Variants in GRIA4 observed in about 807,000 individuals in gnomAD.
GRIA4 encodes glutamate receptor 4.
Under a neutral mutation model 104.0 loss-of-function variants are expected in GRIA4, and 34 were observed. The ratio of observed to expected loss-of-function variants is 0.33; its 90% CI spans 0.25 to 0.44. GRIA4 has a LOEUF of 0.44. Ranked by LOEUF, GRIA4 falls within the 20% of genes least tolerant of loss-of-function variation. GRIA4 has a pLI of 1.00. For synonymous variants in GRIA4, 386 were observed against 381.9 expected, an observed-to-expected ratio of 1.01 and a Z score of -0.13; for missense variants, 750 against 1,096.5, an observed-to-expected ratio of 0.68 and a Z score of 4.46.
intron 4 of GRIA4, among the ~76,000 whole-genome samples, chr11:105,816,135 G>A (rs1354817426): frequency 3.3e-5 from 5 of 152,122 alleles, no homozygotes; most frequent in Non-Finnish European, 7.3e-5. Context: ...TATCGATCTT[G>A]GGCCAGGCAC....
At chr11:105,705,608 CGAGA>C (rs149688597) in intron 3 of GRIA4, among the ~76,000 whole-genome samples, 6 of 149,022 alleles carry the variant, frequency 4.0e-5, no homozygotes, top group South Asian at 2.1e-4. Context: ...CCTGAACTGA[CGAGA>C]GAGAGAGAGA....
intron 4 of GRIA4, among the ~76,000 whole-genome samples, chr11:105,789,145 A>G (rs1472871824): frequency 6.6e-6 from 1 of 152,104 alleles, no homozygotes. Context: ...AGAGAACATA[A>G]ATTTTATAGC....
intron 4 of GRIA4, among the ~76,000 whole-genome samples, chr11:105,809,226 T>C (rs1161649501): frequency 6.6e-6 from 1 of 152,118 alleles, no homozygotes; most frequent in Non-Finnish European, 1.5e-5. Context: ...GTTTTTATTT[T>C]CATAGCTACA....
intron 11 of GRIA4, among the ~76,000 whole-genome samples, chr11:105,921,584 G>T (rs1464609704): frequency 6.6e-6 from 1 of 152,056 alleles, no homozygotes; most frequent in Non-Finnish European, 1.5e-5. Context: ...ATTGGACATG[G>T]ATGTCACCAC....
chr11:105,654,550 T>C (rs1330119190), intron 3 of GRIA4, among the ~76,000 whole-genome samples: 1 of 152,136 alleles, frequency 6.6e-6, no homozygotes, highest in Non-Finnish European at 1.5e-5. Context: ...AACTTTCTTA[T>C]CTTCTTATCC....
intron 4 of GRIA4, among the ~76,000 whole-genome samples, chr11:105,766,653 T>C (rs918798099): frequency 7.9e-5 from 12 of 152,138 alleles, no homozygotes; most frequent in Non-Finnish European, 1.6e-4. Flanking sequence ...AGAGGCACCA[T>C]CATCTTTAAG....
At chr11:105,969,477 A>T (rs1858569710) in intron 14 of GRIA4, among the ~76,000 whole-genome samples, 1 of 152,304 alleles carries the variant, frequency 6.6e-6, no homozygotes, top group South Asian at 2.1e-4. Context: ...GTGAAATAGC[A>T]GAAAGGATAA....
At chr11:105,662,488 C>T (rs1722778258) in intron 3 of GRIA4, among the ~76,000 whole-genome samples, 1 of 151,532 alleles carries the variant, frequency 6.6e-6, no homozygotes, top group Non-Finnish European at 1.5e-5. Flanking sequence ...GGGTGGGAAG[C>T]GAGAATGTCA....
At chr11:105,663,825 T>C (rs1380449940) in intron 3 of GRIA4, among the ~76,000 whole-genome samples, 1 of 151,844 alleles carries the variant, frequency 6.6e-6, no homozygotes, top group Non-Finnish European at 1.5e-5. Context: ...ATCTTCCTGG[T>C]GTATAGAGCA....
Position 105,981,648 on chromosome 11 carries a change from C to T in GRIA4, c.*1909C>T, listed in dbSNP as rs192920401. Reference sequence around the variant, plus strand: ...AAGATCACATGAGCCCCTTCATGACCTGGCGCTTGCTTATTTCTTCCAGGA... The same window carrying T: ...AAGATCACATGAGCCCCTTCATGACTTGGCGCTTGCTTATTTCTTCCAGGA... On this transcript the variant is annotated 3_prime_UTR_variant, in exon 17 of 17. Transcript: ENST00000282499. 33 of 152,322 alleles carry T rather than the reference C, an allele frequency of 2.2e-4. No homozygotes were observed. Among genetic ancestry groups the T allele is most frequent in the Admixed American group, 1.1e-3 (17 of 15,256 alleles). The allele number at this position is 152,322 out of a possible 1,614,324, so 9.4% of individuals were successfully genotyped here.
Position 105,862,128 on chromosome 11 carries a change from C to T in GRIA4, c.592C>T (p.Leu198=). ...NFNDVSYRQL[L]EELDRRQEKK... The stretch of plus-strand genomic sequence containing the variant: ...TAATGATGTCAGCTATAGGCAACTT[C>T]TAGAAGAACTTGACAGAAGACAAGA... Residue 198 remains leucine, a synonymous_variant, in exon 5 of 17, where the codon CTA becomes TTA. Coordinates refer to ENST00000282499, the MANE Select transcript of GRIA4 (RefSeq NM_000829.4). The T allele has an allele frequency of 6.2e-7, 1 of 1,608,416 alleles. No homozygotes were observed. Among genetic ancestry groups the T allele is most frequent in the Non-Finnish European group, 8.5e-7 (1 of 1,174,960 alleles).
intron 4 of GRIA4, among the ~76,000 whole-genome samples, chr11:105,803,810 T>C (rs1180503425): frequency 6.9e-6 from 1 of 145,480 alleles, no homozygotes; most frequent in Non-Finnish European, 1.5e-5. Context: ...AGTTGGTAAA[T>C]TGAATAGATA....
intron 3 of GRIA4, among the ~76,000 whole-genome samples, chr11:105,683,862 T>C (rs1006945428): frequency 2.6e-5 from 4 of 151,894 alleles, no homozygotes; most frequent in African/African-American, 9.7e-5. Context: ...ACAGAAGAAA[T>C]AGAAAAAATA....
intron 3 of GRIA4, among the ~76,000 whole-genome samples, chr11:105,734,529 G>T (rs747964375): frequency 3.3e-5 from 5 of 151,854 alleles, no homozygotes; most frequent in Non-Finnish European, 7.4e-5. Context: ...AGATGATTTC[G>T]CTCTCCTGTT....
intron 3 of GRIA4, among the ~76,000 whole-genome samples, chr11:105,638,051 G>T (rs138389127): frequency 2.6e-5 from 4 of 152,030 alleles, no homozygotes; most frequent in Non-Finnish European, 5.9e-5. Flanking sequence ...AATATGTTTT[G>T]TGCGTTTGAA....
At chr11:105,807,447 T>TATA (rs1441887853) in intron 4 of GRIA4, among the ~76,000 whole-genome samples, 1 of 151,892 alleles carries the variant, frequency 6.6e-6, no homozygotes, top group Non-Finnish European at 1.5e-5. Flanking sequence ...TTTAGAAATT[T>TATA]ATAAAGAAGT....
rs557625184 is a variant in GRIA4 at position 105,980,137 on chromosome 11, G to A, written c.*398G>A. 1 of 160,640 alleles carries A rather than the reference G, an allele frequency of 6.2e-6. No individual in the cohort carries two copies. The highest frequency in any genetic ancestry group is 1.9e-4 in the South Asian group (1 of 5,296). 10.0% of individuals were successfully genotyped at this position (160,640 alleles called of 1,614,324 possible). A position where few individuals can be genotyped will look rare whatever the true frequency, so the allele number is the denominator to read the frequency against. On this transcript the variant is annotated 3_prime_UTR_variant, in exon 17 of 17. Coordinates refer to ENST00000282499, the MANE Select transcript of GRIA4 (RefSeq NM_000829.4). ...CGGAAAGGATAAAATAGTTGTAGAA[G>A]TCCGTGAACATGCTAACCTGTGTCT...
intron 4 of GRIA4, among the ~76,000 whole-genome samples, chr11:105,811,464 G>A (rs1478070698): frequency 1.3e-5 from 2 of 151,972 alleles, no homozygotes; most frequent in Non-Finnish European, 2.9e-5. Context: ...TAGCAGCTTC[G>A]AGGTCCCATC....
intron 3 of GRIA4, among the ~76,000 whole-genome samples, chr11:105,736,777 T>A (rs764821876): frequency 6.6e-6 from 1 of 152,136 alleles, no homozygotes; most frequent in Non-Finnish European, 1.5e-5. Flanking sequence ...TTCTAACATA[T>A]GTTATTAGAA....
Sources: allele counts gnomAD v4.1 joint callset (sites outside exome capture counted in the v4.1 genomes callset), GRCh38; gene constraint gnomAD v4.1.1; transcripts MANE v1.5; gene names NCBI Gene and HGNC (gene_info 2026-07-23, HGNC 2026-07-21).